The following GLRA2 variants were observed in gnomAD, a reference collection of about 807,000 sequenced individuals.
GLRA2 encodes the protein glycine receptor subunit alpha-2.
In GLRA2, 11 loss-of-function variants were observed where a neutral mutation model predicts 31.6. The observed-to-expected ratio is 0.35, with a 90% CI of 0.22 to 0.58. The LOEUF (loss-of-function observed/expected upper bound fraction) is 0.58. Among genes scored for constraint, GLRA2 ranks in the 20% least tolerant of loss-of-function variants. The pLI is 0.84. For missense variants in GLRA2, 212 were observed against 351.8 expected (o/e 0.60, Z 3.18); for synonymous variants, 132 against 134.0 (o/e 0.99, Z 0.10).
chrX:14,454,919 T>C, the GLRA2 span, among the ~76,000 whole-genome samples: 1 of 112,580 alleles, frequency 8.9e-6, no homozygotes, highest in South Asian at 3.6e-4. Context: ...TTCCAAGTTT[T>C]ATTTATTCAA....
At chrX:14,456,818 T>C in the GLRA2 span, among the ~76,000 whole-genome samples, 14 of 112,140 alleles carry the variant, frequency 1.2e-4, no homozygotes, top group Non-Finnish European at 1.9e-5. Context: ...GCAATAAACA[T>C]GGGAGGGCAG....
intron 5 of GLRA2, 68 bp from the exon 6 acceptor site, chrX:14,607,063 A>T: frequency 1.3e-6 from 1 of 769,008 alleles, no homozygotes; most frequent in Non-Finnish European, 2.0e-6. Context: ...TTGTTTCTTT[A>T]CATGGGTAGA....
rs1157722406 is a variant in GLRA2, at chrX:14,681,891, C to CAAAAAAA, written c.931-8805_931-8799dup. On this transcript the variant is annotated intron_variant, in intron 7 of 8. Transcript: ENST00000218075. ...TGGGCAACAGTGCGAGACACCATCT[C>CAAAAAAA]AAAAAAAAAAAAAAAAAAAATATAT... 5.8e-3 allele frequency among the ~76,000 whole-genome samples: 154 copies of CAAAAAAA among 26,523 alleles called. 1 individual carries two copies. Among genetic ancestry groups the CAAAAAAA allele is most frequent in the Non-Finnish European group, 9.9e-3 (120 of 12,082 alleles). The allele number at this position is 26,523 out of a possible 115,157, so 23.0% of individuals were successfully genotyped here.
chrX:14,728,759 C>G (rs2091956972), intron 8 of GLRA2, among the ~76,000 whole-genome samples: 1 of 112,306 alleles, frequency 8.9e-6, no homozygotes, highest in Non-Finnish European at 1.9e-5. Context: ...GAGGTGGCAC[C>G]TGGGTACTAC....
chrX:14,527,332 T>A (rs1169336049), upstream of GLRA2, among the ~76,000 whole-genome samples: 7 of 112,033 alleles, frequency 6.2e-5, no homozygotes, highest in Admixed American at 3.8e-4. Flanking sequence ...AAAGAAATGA[T>A]TCGGCTGGGC....
intron 7 of GLRA2, among the ~76,000 whole-genome samples, chrX:14,650,340 C>T (rs1295088498): frequency 9.1e-6 from 1 of 109,746 alleles, no homozygotes; most frequent in Non-Finnish European, 1.9e-5. Context: ...AATTTTTCTT[C>T]ATGGTGTGCA....
chrX:14,457,981 G>A, the GLRA2 span, among the ~76,000 whole-genome samples: 3 of 109,771 alleles, frequency 2.7e-5, no homozygotes, highest in Admixed American at 9.7e-5. Context: ...CCATTAACTC[G>A]TCATTTAACA....
the GLRA2 span, among the ~76,000 whole-genome samples, chrX:14,517,578 TG>T: frequency 5.4e-5 from 6 of 111,861 alleles, no homozygotes; most frequent in African/African-American, 1.9e-4. Context: ...TGAGTGAGCA[TG>T]GGGTAATAAC....
At chrX:14,724,001 G>C (rs2091897105) in intron 8 of GLRA2, among the ~76,000 whole-genome samples, 1 of 111,792 alleles carries the variant, frequency 8.9e-6, no homozygotes, top group African/African-American at 3.3e-5. Context: ...ACATAGCACA[G>C]TGCCTGGCAT....
intron 1 of GLRA2, chrX:14,530,998 A>T: frequency 1.1e-6 from 1 of 899,637 alleles, no homozygotes; most frequent in Non-Finnish European, 1.4e-6. Context: ...ACACATAGTA[A>T]TAATGCTATG....
chrX:14,459,302 A>G, the GLRA2 span, among the ~76,000 whole-genome samples: 3 of 111,634 alleles, frequency 2.7e-5, no homozygotes, highest in Non-Finnish European at 5.6e-5. Flanking sequence ...GAAGTCAGGT[A>G]GCGTGATGCC....
At chrX:14,509,599 A>T in the GLRA2 span, among the ~76,000 whole-genome samples, 2 of 112,290 alleles carry the variant, frequency 1.8e-5, no homozygotes, top group African/African-American at 6.5e-5. Flanking sequence ...TAGGGCTTAA[A>T]GTGTTGTAAA....
At chrX:14,528,319 T>C (rs942610272), upstream of GLRA2, among the ~76,000 whole-genome samples, 24 of 112,700 alleles carry the variant, frequency 2.1e-4, no homozygotes, top group Non-Finnish European at 3.9e-4. Context: ...TAGAATTCAT[T>C]GTTACTCTAC....
the GLRA2 span, among the ~76,000 whole-genome samples, chrX:14,517,428 G>C: frequency 8.9e-6 from 1 of 112,137 alleles, no homozygotes; most frequent in Admixed American, 9.5e-5. Context: ...GGCTGGGGAA[G>C]CCTCAGGAAA....
chrX:14,691,003 T>C, intron 8 of GLRA2, 144 bp downstream of exon 8: 1 of 558,792 alleles, frequency 1.8e-6, no homozygotes, highest in Non-Finnish European at 2.8e-6. Flanking sequence ...GACTTAGTGC[T>C]CAGCTTAGGC....
intron 2 of GLRA2, among the ~76,000 whole-genome samples, chrX:14,540,968 G>C (rs1229801103): frequency 1.8e-5 from 2 of 109,646 alleles, no homozygotes; most frequent in Non-Finnish European, 3.8e-5. Context: ...GAAAAAGAGA[G>C]CAAGGGATAG....
chrX:14,526,704 T>C (rs1375324617), upstream of GLRA2, among the ~76,000 whole-genome samples: 2 of 111,955 alleles, frequency 1.8e-5, no homozygotes, highest in African/African-American at 3.2e-5. Context: ...GGTTTTGACA[T>C]GAAGAGTTTA....
chrX:14,679,115 C>T (rs2091173734), intron 7 of GLRA2, among the ~76,000 whole-genome samples: 1 of 110,343 alleles, frequency 9.1e-6, no homozygotes, highest in African/African-American at 3.3e-5. Flanking sequence ...ACCACCACCA[C>T]CACCACCACC....
the GLRA2 span, among the ~76,000 whole-genome samples, chrX:14,509,560 CTAATG>C: frequency 8.9e-6 from 1 of 112,207 alleles, no homozygotes; most frequent in Non-Finnish European, 1.9e-5. Context: ...CATCAATAAT[CTAATG>C]TAGTGGCTTC....
Sources: allele counts gnomAD v4.1 joint callset (sites outside exome capture counted in the v4.1 genomes callset), GRCh38; gene constraint gnomAD v4.1.1; transcripts MANE v1.5; gene names NCBI Gene and HGNC (gene_info 2026-07-23, HGNC 2026-07-21).